CBR4: variants seen among roughly 807,000 people sequenced by gnomAD.
CBR4 encodes the protein 3-oxoacyl-[acyl-carrier-protein] reductase.
Under a neutral mutation model 21.0 loss-of-function variants are expected in CBR4, and 22 were observed. The ratio of observed to expected loss-of-function variants is 1.05; its 90% CI spans 0.75 to 1.50. CBR4 has a LOEUF of 1.50. Among genes scored for constraint, CBR4 ranks in the 40% most tolerant of loss-of-function variants. The pLI is 0.00. For synonymous variants in CBR4, 100 were observed against 104.4 expected (o/e 0.96, Z 0.26); for missense variants, 302 against 286.3 (o/e 1.05, Z -0.40).
At chr4:168,972,929 T>C (rs774012298) in intron 2 of CBR4, among the ~76,000 whole-genome samples, 2 of 152,242 alleles carry the variant, frequency 1.3e-5, no homozygotes, top group Non-Finnish European at 2.9e-5. Flanking sequence ...AGATGGCTTT[T>C]ATTACCTTAA....
chr4:168,962,151 A>G lies in CBR4; in HGVS notation n.169+39920T>C, dbSNP rs191224811. On this transcript the variant is annotated intron_variant and non_coding_transcript_variant, in intron 2 of 3. Transcript: ENST00000509108. ...AGAAAACACAAAGGAAAACCATTTT[A>G]CTATGTATTTCAAATAAAATCCTAA... Among the ~76,000 whole-genome samples the G allele has an allele frequency of 3.0e-3, 461 of 152,356 alleles. 2 individuals carry two copies. Among genetic ancestry groups the G allele is most frequent in the African/African-American group, 0.011 (444 of 41,594 alleles).
intron 2 of CBR4, among the ~76,000 whole-genome samples, chr4:168,971,008 G>A (rs965260869): frequency 4.6e-5 from 7 of 152,118 alleles, no homozygotes; most frequent in Admixed American, 1.3e-4. Context: ...CGGGATTGCT[G>A]GATCAAATGG....
chr4:168,938,646 G>T (rs1763177877), intron 2 of CBR4, among the ~76,000 whole-genome samples: 2 of 152,166 alleles, frequency 1.3e-5, no homozygotes, highest in South Asian at 4.1e-4. Flanking sequence ...CAATCCCACA[G>T]AAATACAAAC....
intron 4 of CBR4, among the ~76,000 whole-genome samples, chr4:168,996,798 G>A (rs1179165586): frequency 1.3e-5 from 2 of 152,074 alleles, no homozygotes; most frequent in African/African-American, 4.8e-5. Flanking sequence ...AGTCTCTAAT[G>A]ATAAATTACT....
At chr4:168,964,640 A>T (rs527255326) in intron 2 of CBR4, among the ~76,000 whole-genome samples, 1 of 152,368 alleles carries the variant, frequency 6.6e-6, no homozygotes, top group Non-Finnish European at 1.5e-5. Flanking sequence ...CATTAATATA[A>T]GAAATAACTC....
intron 2 of CBR4, among the ~76,000 whole-genome samples, chr4:168,939,778 G>A (rs909087731): frequency 3.4e-4 from 51 of 152,172 alleles, no homozygotes; most frequent in Middle Eastern, 3.2e-3. Context: ...ACTGCTCAAC[G>A]AAATAAGAGA....
intron 2 of CBR4, among the ~76,000 whole-genome samples, chr4:168,911,127 G>GAT (rs2151381337): frequency 6.6e-6 from 1 of 152,274 alleles, no homozygotes; most frequent in South Asian, 2.1e-4. Flanking sequence ...CCTTGTGAGA[G>GAT]ATATATGTAG....
chr4:168,958,067 C>G (rs1010270269), intron 2 of CBR4, among the ~76,000 whole-genome samples: 1 of 152,168 alleles, frequency 6.6e-6, no homozygotes, highest in African/African-American at 2.4e-5. Flanking sequence ...TAGTTCAAGA[C>G]CAGCCTGGCC....
rs577396234 is a variant in CBR4, at chr4:168,947,133, T to A, written n.170-52368A>T. ...GTCGTGCCCCTGTCATGTTTTTTTT[T>A]AAATTGGGTAAGATATACAATGTAA... On this transcript the variant is annotated intron_variant and non_coding_transcript_variant, in intron 2 of 3. Transcript: ENST00000509108. Among the ~76,000 whole-genome samples, 297 of 152,294 alleles carry A rather than the reference T, an allele frequency of 2.0e-3. 2 individuals are homozygous for A. Among genetic ancestry groups the A allele is most frequent in the African/African-American group, 6.7e-3 (279 of 41,568 alleles).
At chr4:168,896,734 T>G in intron 2 of CBR4, 1 of 615,530 alleles carries the variant, frequency 1.6e-6, no homozygotes, top group Non-Finnish European at 2.8e-6. Flanking sequence ...TCTGTTTCAT[T>G]TAATATCAGA....
chr4:168,921,413 A>C (rs1761480829), intron 2 of CBR4: 1 of 624,786 alleles, frequency 1.6e-6, no homozygotes, highest in African/African-American at 1.9e-5. Context: ...GTCCAAAAAA[A>C]AAAAAAAAAA....
At chr4:168,986,024 A>G (rs924615161), downstream of CBR4, among the ~76,000 whole-genome samples, 3 of 152,064 alleles carry the variant, frequency 2.0e-5, no homozygotes, top group Non-Finnish European at 4.4e-5. Flanking sequence ...ATTTACCCAT[A>G]TAACAAACCT....
chr4:168,968,787 T>G (rs1261463480), intron 2 of CBR4, among the ~76,000 whole-genome samples: 3 of 152,198 alleles, frequency 2.0e-5, no homozygotes, highest in Non-Finnish European at 4.4e-5. Flanking sequence ...TACCAGGATA[T>G]AGTATTATTT....
In CBR4 at chr4:169,010,003, C is replaced by A; in HGVS notation, c.87G>T (p.Leu29=). Residue 29 remains leucine, a synonymous_variant, in exon 1 of 5, where the codon CTG becomes CTT. Transcript: ENST00000306193. ...AQLMARKGYR[L]AVIARNLEGA... is the part of the protein sequence containing the mutation. ...CTTCCAGGTTTCTGGCAATGACCGC[C>A]AGTCGGTAGCCTTTCCGGGCCATTA... 6.2e-7 allele frequency: 1 copy of A among 1,613,718 alleles called. No individual in the cohort carries two copies. Among genetic ancestry groups the A allele is most frequent in the Non-Finnish European group, 8.5e-7 (1 of 1,179,914 alleles).
intron 2 of CBR4, among the ~76,000 whole-genome samples, chr4:168,944,028 G>A (rs537898360): frequency 2.0e-5 from 3 of 152,116 alleles, no homozygotes; most frequent in Non-Finnish European, 4.4e-5. Flanking sequence ...GCAATCAAAG[G>A]CTAATAAATG....
At chr4:168,949,083 C>T (rs1322934581) in intron 2 of CBR4, among the ~76,000 whole-genome samples, 12 of 152,054 alleles carry the variant, frequency 7.9e-5, no homozygotes, top group Admixed American at 3.3e-4. Context: ...TCTTTAGCCT[C>T]CTTGGTTAGG....
intron 2 of CBR4, among the ~76,000 whole-genome samples, chr4:168,899,278 A>G (rs1392923118): frequency 1.3e-5 from 2 of 152,216 alleles, no homozygotes; most frequent in Non-Finnish European, 2.9e-5. Context: ...ATACAAACAT[A>G]TGGAAATGCT....
At chr4:168,927,542 T>C in intron 2 of CBR4, 1 of 231,112 alleles carries the variant, frequency 4.3e-6, no homozygotes, top group Non-Finnish European at 8.6e-6. Flanking sequence ...TCTAGTCTAC[T>C]TGAAGGAAGT....
chr4:168,914,386 C>T (rs1037368739), intron 2 of CBR4, among the ~76,000 whole-genome samples: 8 of 152,282 alleles, frequency 5.3e-5, no homozygotes, highest in Middle Eastern at 3.4e-3. Context: ...TGTGAGTGGA[C>T]GCACACATTA....
Sources: allele counts gnomAD v4.1 joint callset (sites outside exome capture counted in the v4.1 genomes callset), GRCh38; gene constraint gnomAD v4.1.1; transcripts MANE v1.5; gene names NCBI Gene and HGNC (gene_info 2026-07-23, HGNC 2026-07-21).